The following CLGN variants were observed in gnomAD, a reference collection of about 807,000 sequenced individuals.
CLGN encodes the protein calmegin.
In CLGN, 62 loss-of-function variants were observed where a neutral mutation model predicts 79.1. The ratio of observed to expected loss-of-function variants is 0.78; its 90% CI spans 0.64 to 0.97. The LOEUF (loss-of-function observed/expected upper bound fraction) is 0.97, where lower values mean the gene tolerates loss of function less well. Among genes scored for constraint, CLGN ranks in the 50% least tolerant of loss-of-function variants. CLGN has a pLI of 0.00. For synonymous variants in CLGN, 225 were observed against 224.7 expected, an observed-to-expected ratio of 1.00 and a Z score of -0.01; for missense variants, 647 against 715.5, an observed-to-expected ratio of 0.90 and a Z score of 1.09.
In CLGN at chr4:140,398,263, CTTTTT is replaced by C. The variant is rs1162212217; in HGVS notation, c.884+583_884+587del. ...TCTCTCATTTAAGGGCAAACATACT[CTTTTT>C]TTTTTTTTTTTTTTTTTTTGAGACA... On this transcript the variant is annotated intron_variant, in intron 8 of 14. Coordinates refer to ENST00000325617, the MANE Select transcript of CLGN (RefSeq NM_004362.3). Among the ~76,000 whole-genome samples the C allele has an allele frequency of 5.4e-3, 471 of 86,788 alleles. 1 individual carries two copies. Among genetic ancestry groups the C allele is most frequent in the African/African-American group, 0.02 (423 of 21,354 alleles). The allele number at this position is 86,788 out of a possible 152,430, so 56.9% of individuals were successfully genotyped here.
chr4:140,412,813 C>G, intron 2 of CLGN, 122 bp downstream of exon 2: 1 of 895,578 alleles, frequency 1.1e-6, no homozygotes, highest in Non-Finnish European at 1.6e-6. Context: ...GAAAAAAAAT[C>G]AATGTTTTTC....
chr4:140,405,906 T>A, intron 5 of CLGN, 36 bp downstream of exon 5: 3 of 1,573,708 alleles, frequency 1.9e-6, no homozygotes, highest in Non-Finnish European at 2.6e-6. Flanking sequence ...TAATACAAAA[T>A]TCAGAAAAAG....
At chr4:140,410,854 C>G (rs767714207) in intron 2 of CLGN, among the ~76,000 whole-genome samples, 6 of 151,958 alleles carry the variant, frequency 3.9e-5, no homozygotes, top group Non-Finnish European at 7.4e-5. Context: ...AGTGGATACA[C>G]TGACCCCTTC....
At chr4:140,396,045 A>T in intron 9 of CLGN, 47 bp downstream of exon 9, 1 of 1,609,576 alleles carries the variant, frequency 6.2e-7, no homozygotes, top group Non-Finnish European at 8.5e-7. Context: ...ACAAAAATGC[A>T]TGTAAGAAAC....
At position 140,413,069 on chromosome 4, in the gene CLGN, G is replaced by A; in HGVS notation, c.10C>T (p.Gln4Ter). ...AGACCCAAACATAGCCAAAAGGCTTGGAAATGCATATTGATTATCTGTGAA... is the reference window on the plus strand; with the variant it reads ...AGACCCAAACATAGCCAAAAGGCTTAGAAATGCATATTGATTATCTGTGAA... MHF[Q>*]AFWLCLGLLF... The change falls in exon 2 of 15, where the codon CAA becomes TAA. Residue 4 changes from glutamine (Q) to a stop codon, truncating the protein, a stop_gained. Transcript: ENST00000325617. LOFTEE classifies it high-confidence loss of function. 6.2e-7 allele frequency: 1 copy of A among 1,607,292 alleles called. No homozygotes were observed. Among genetic ancestry groups the A allele is most frequent in the East Asian group, 2.2e-5 (1 of 44,730 alleles).
intron 1 of CLGN, among the ~76,000 whole-genome samples, chr4:140,416,880 AG>A (rs1233265505): frequency 6.6e-6 from 1 of 150,878 alleles, no homozygotes; most frequent in Non-Finnish European, 1.5e-5. Flanking sequence ...TACCAAAGCC[AG>A]GCAGAGACAC....
intron 1 of CLGN, among the ~76,000 whole-genome samples, chr4:140,418,279 G>A (rs1320501251): frequency 6.6e-6 from 1 of 150,464 alleles, no homozygotes; most frequent in Non-Finnish European, 1.5e-5. Flanking sequence ...TACCATTCAG[G>A]ACATAGGCAT....
Position 140,389,069 on chromosome 4 carries a change from C to T in CLGN, c.*155G>A. On this transcript the variant is annotated 3_prime_UTR_variant, in exon 15 of 15. Coordinates refer to ENST00000325617, the MANE Select transcript of CLGN (RefSeq NM_004362.3). ...GTAACTTCAAAGTTGCTTCTTTTTC[C>T]TCTGAAATGAAGGACTAAAATAAAT... 5.0e-6 allele frequency: 3 copies of T among 605,552 alleles called. No homozygotes were observed. The highest frequency in any genetic ancestry group is 4.7e-5 in the South Asian group (2 of 42,332). 37.5% of individuals were successfully genotyped at this position (605,552 alleles called of 1,614,324 possible). A position where few individuals can be genotyped will look rare whatever the true frequency, so the allele number is the denominator to read the frequency against.
Position 140,389,242 on chromosome 4 carries a change from T to C in CLGN, c.1815A>G (p.Arg605=). The C allele has an allele frequency of 1.2e-6, 2 of 1,612,462 alleles. No individual in the cohort carries two copies. The highest frequency in any genetic ancestry group is 1.7e-6 in the Non-Finnish European group (2 of 1,178,838). ...ATCTAGTTTAGTCCTTTCGTACTCTTCTTTTGCGTACTGACTTTATCGGCC... is the reference window on the plus strand; with the variant it reads ...ATCTAGTTTAGTCCTTTCGTACTCTCCTTTTGCGTACTGACTTTATCGGCC... ...GDGPIKSVRK[R]RVRKD is the part of the protein sequence containing the mutation. Residue 605 remains arginine (R), a synonymous_variant, in exon 15 of 15, where the codon AGA becomes AGG. Coordinates refer to ENST00000325617, the MANE Select transcript of CLGN (RefSeq NM_004362.3).
Position 140,394,025 on chromosome 4 carries a change from C to G in CLGN, c.1166G>C (p.Arg389Pro), listed in dbSNP as rs368889697. 3 of 1,612,258 alleles carry G rather than the reference C, an allele frequency of 1.9e-6. No individual in the cohort carries two copies. The East Asian group carries it at 6.7e-5, about 36-fold the overall frequency. The part of the protein sequence containing the change: ...NPNYQGIWSP[R>P]KIPNPDYFED... ...GAAATAATCTGGATTAGGAATTTTT[C>G]GAGGACTCCAGATTCCCTGGAAGAA... Residue 389 changes from arginine to proline, a missense_variant, in exon 11 of 15, where the codon CGA (arginine) becomes CCA (proline). Transcript: ENST00000325617.
intron 1 of CLGN, among the ~76,000 whole-genome samples, chr4:140,425,621 CCTT>C (rs1729551739): frequency 7.1e-6 from 1 of 141,010 alleles, no homozygotes; most frequent in Non-Finnish European, 1.5e-5. Context: ...TTTTGTAATT[CCTT>C]TTTTTTTTTT....
At chr4:140,411,512 G>T (rs573828780) in intron 2 of CLGN, among the ~76,000 whole-genome samples, 1 of 152,240 alleles carries the variant, frequency 6.6e-6, no homozygotes, top group South Asian at 2.1e-4. Context: ...GAATCAGCGT[G>T]TTGTGATTGT....
chr4:140,410,137 C>T (rs138568210), intron 3 of CLGN, among the ~76,000 whole-genome samples: 5 of 152,094 alleles, frequency 3.3e-5, no homozygotes, highest in African/African-American at 4.8e-5. Flanking sequence ...CAAGAAACCT[C>T]GGTTTCTCCA....
chr4:140,395,594 A>AACTGATAATTAGGGAAGAATATAGTATG (rs1408869877), intron 10 of CLGN, among the ~76,000 whole-genome samples: 1 of 152,218 alleles, frequency 6.6e-6, no homozygotes, highest in Non-Finnish European at 1.5e-5. Context: ...AGTGAGCATC[A>AACTGATAATTAGGGAAGAATATAGTATG]ACTGATAATT....
chr4:140,408,905 A>G (rs1490423585), intron 4 of CLGN, among the ~76,000 whole-genome samples: 2 of 150,028 alleles, frequency 1.3e-5, no homozygotes, highest in South Asian at 2.1e-4. Flanking sequence ...ACATATATAT[A>G]CACACATATA....
At chr4:140,397,858 C>T (rs1444017541) in intron 8 of CLGN, among the ~76,000 whole-genome samples, 1 of 152,176 alleles carries the variant, frequency 6.6e-6, no homozygotes, top group East Asian at 1.9e-4. Flanking sequence ...GAACTGAGAT[C>T]ACGCCATTGC....
In CLGN at chr4:140,388,747, C is replaced by T. The variant is rs1274366615; in HGVS notation, c.*477G>A. ...CTAGGTAAATGTGGGTCATATACAA[C>T]ACTTTCAATTGTTGATAGAATCAAA... On this transcript the variant is annotated 3_prime_UTR_variant, in exon 15 of 15. Coordinates refer to ENST00000325617, the MANE Select transcript of CLGN (RefSeq NM_004362.3). 6.5e-6 allele frequency: 1 copy of T among 153,580 alleles called. No individual in the cohort carries two copies. The highest frequency in any genetic ancestry group is 6.4e-5 in the Admixed American group (1 of 15,546). The allele number at this position is 153,580 out of a possible 1,614,324, so 9.5% of individuals were successfully genotyped here.
chr4:140,425,348 G>A (rs56065389), intron 1 of CLGN, among the ~76,000 whole-genome samples: 13,663 of 151,970 alleles, frequency 0.09, 980 homozygotes, highest in African/African-American at 0.2. Flanking sequence ...TCCAAGGTAG[G>A]AAGTTGCAGA....
chr4:140,402,781 C>T lies in CLGN; in HGVS notation c.420-715G>A, dbSNP rs549896992. ...GCTATGGCAATGAGGCATAGACTTA[C>T]GAGATTTTTTGTTGTTAAATTAACG... On this transcript the variant is annotated intron_variant, in intron 5 of 14. Transcript: ENST00000325617. 7.2e-4 allele frequency among the ~76,000 whole-genome samples: 110 copies of T among 151,872 alleles called. 2 individuals are homozygous for T. The highest frequency in any genetic ancestry group is 6.8e-3 in the Middle Eastern group (2 of 294).
Sources: allele counts gnomAD v4.1 joint callset (sites outside exome capture counted in the v4.1 genomes callset), GRCh38; gene constraint gnomAD v4.1.1; transcripts MANE v1.5; gene names NCBI Gene and HGNC (gene_info 2026-07-23, HGNC 2026-07-21).